Variants in GOLIM4 observed in about 807,000 individuals in gnomAD.
GOLIM4 encodes the protein golgi integral membrane protein 4, also known as 130 kDa golgi-localized phosphoprotein.
In GOLIM4, 71 loss-of-function variants were observed where a neutral mutation model predicts 107.4. The observed-to-expected ratio is 0.66, with a 90% CI of 0.55 to 0.81. The LOEUF (loss-of-function observed/expected upper bound fraction) is 0.81, where lower values mean the gene tolerates loss of function less well. Among genes scored for constraint, GOLIM4 ranks in the 30% least tolerant of loss-of-function variants. GOLIM4 has a pLI of 0.00. For missense variants in GOLIM4, 830 were observed against 826.1 expected, an observed-to-expected ratio of 1.00 and a Z score of -0.06; for synonymous variants, 327 against 294.8, an observed-to-expected ratio of 1.11 and a Z score of -1.12.
intron 9 of GOLIM4, 145 bp from the exon 10 acceptor site, chr3:168,030,181 C>G: frequency 1.3e-6 from 1 of 781,020 alleles, no homozygotes; most frequent in Non-Finnish European, 2.0e-6. Flanking sequence ...ACATGAAGTC[C>G]AAAAACTCCT....
chr3:168,082,403 T>C (rs1721418795), intron 1 of GOLIM4, among the ~76,000 whole-genome samples: 1 of 152,142 alleles, frequency 6.6e-6, no homozygotes, highest in African/African-American at 2.4e-5. Context: ...TGTGAGACCC[T>C]TAGATGAAGA....
chr3:168,085,691 C>A (rs1337404811), intron 1 of GOLIM4, among the ~76,000 whole-genome samples: 1 of 152,252 alleles, frequency 6.6e-6, no homozygotes, highest in African/African-American at 2.4e-5. Flanking sequence ...CAGAGTGGAA[C>A]CAAGAAACCA....
Position 168,021,511 on chromosome 3 carries a change from C to T in GOLIM4, c.1860+3015G>A, listed in dbSNP as rs905025582. Among the ~76,000 whole-genome samples the T allele has an allele frequency of 9.9e-5, 15 of 151,936 alleles. No homozygotes were observed. In the South Asian group the frequency reaches 2.5e-3, roughly 25 times the overall value. ...TGAAATCCCATCTCTACTAAAAATA[C>T]AAAAATTAGCCGGGTATGGTGGCAG... On this transcript the variant is annotated intron_variant, in intron 14 of 15. Coordinates refer to ENST00000470487, the MANE Select transcript of GOLIM4 (RefSeq NM_014498.5).
chr3:168,065,092 C>G (rs193061593), intron 1 of GOLIM4, among the ~76,000 whole-genome samples: 1 of 152,296 alleles, frequency 6.6e-6, no homozygotes, highest in African/African-American at 2.4e-5. Context: ...CTGCCTGACA[C>G]TAACAAATTC....
In GOLIM4 at chr3:168,047,001, T is replaced by C. The variant is rs1213734095; in HGVS notation, c.263-2A>G. Reference sequence around the variant, plus strand: ...CTTCTAACTTATAAACAAGAAAATCTAGAAAATACAAGATGGAAAAAAACA... The same window carrying C: ...CTTCTAACTTATAAACAAGAAAATCCAGAAAATACAAGATGGAAAAAAACA... On this transcript the variant is annotated splice_acceptor_variant, in intron 2 of 15. Transcript: ENST00000470487. LOFTEE classifies it high-confidence loss of function. 8 of 1,247,506 alleles carry C rather than the reference T, an allele frequency of 6.4e-6. No homozygotes were observed. In the African/African-American group the frequency reaches 7.9e-5, roughly 12 times the overall value. 77.3% of individuals were successfully genotyped at this position (1,247,506 alleles called of 1,614,324 possible).
At chr3:168,077,116 A>G (rs1721117236) in intron 1 of GOLIM4, among the ~76,000 whole-genome samples, 1 of 152,236 alleles carries the variant, frequency 6.6e-6, no homozygotes, top group Admixed American at 6.5e-5. Flanking sequence ...GATTCTTCAA[A>G]TAAGGAAGTT....
intron 9 of GOLIM4, among the ~76,000 whole-genome samples, chr3:168,032,204 A>T (rs1436430876): frequency 6.6e-6 from 1 of 152,122 alleles, no homozygotes; most frequent in Non-Finnish European, 1.5e-5. Flanking sequence ...ACAAGCTGGG[A>T]AGGTGCCCCA....
intron 1 of GOLIM4, among the ~76,000 whole-genome samples, chr3:168,090,130 G>T (rs1284294313): frequency 6.6e-6 from 1 of 152,116 alleles, no homozygotes; most frequent in Non-Finnish European, 1.5e-5. Context: ...CCAATGACAA[G>T]ATGTATTCAT....
In GOLIM4 at chr3:168,040,145, A is replaced by G. The variant is rs13317016; in HGVS notation, c.684+641T>C. ...TTCCTTCCTTCTGCTAGAAATCTGC[A>G]TAACACTTAGCATGAAATCGCTTTA... On this transcript the variant is annotated intron_variant, in intron 7 of 15. Transcript: ENST00000470487. Among the ~76,000 whole-genome samples, 559 of 152,304 alleles carry G rather than the reference A, an allele frequency of 3.7e-3. 4 individuals are homozygous for G. The highest frequency in any genetic ancestry group is 0.012 in the African/African-American group (510 of 41,564).
intron 8 of GOLIM4, among the ~76,000 whole-genome samples, chr3:168,033,685 C>T (rs1718479055): frequency 6.9e-6 from 1 of 144,916 alleles, no homozygotes; most frequent in Admixed American, 6.9e-5. Flanking sequence ...CAACACAGTG[C>T]CTGTTAAACA....
At chr3:168,019,181 T>C (rs2108214226) in intron 14 of GOLIM4, among the ~76,000 whole-genome samples, 1 of 152,320 alleles carries the variant, frequency 6.6e-6, no homozygotes. Context: ...ATAAGGTCAA[T>C]TGTTTTTGTT....
rs538087119 is a variant in GOLIM4, at chr3:168,084,018, T to C, written c.187+11081A>G. ...CAATCTCTTGGATCTCTTGCTGATA[T>C]GGTTTGGCTCTGAGTTGTAATTCCC... On this transcript the variant is annotated intron_variant, in intron 1 of 15. Coordinates refer to ENST00000470487, the MANE Select transcript of GOLIM4 (RefSeq NM_014498.5). Among the ~76,000 whole-genome samples, 49 of 152,288 alleles carry C rather than the reference T, an allele frequency of 3.2e-4. 1 individual carries two copies. Among genetic ancestry groups the C allele is most frequent in the African/African-American group, 1.1e-3 (46 of 41,568 alleles).
intron 14 of GOLIM4, among the ~76,000 whole-genome samples, chr3:168,021,819 T>G (rs949039061): frequency 1.3e-5 from 2 of 152,196 alleles, no homozygotes; most frequent in African/African-American, 4.8e-5. Flanking sequence ...GATTAATCAG[T>G]TTTCAGTTAC....
chr3:168,044,903 G>T, intron 3 of GOLIM4, 22 bp from the exon 4 acceptor site: 1 of 1,127,190 alleles, frequency 8.9e-7, no homozygotes, highest in Non-Finnish European at 1.3e-6. Context: ...AAAAAAAAAA[G>T]AAAACACAAA....
At chr3:168,047,106 T>C in intron 2 of GOLIM4, 107 bp from the exon 3 acceptor site, 1 of 566,814 alleles carries the variant, frequency 1.8e-6, no homozygotes, top group Non-Finnish European at 3.1e-6. Flanking sequence ...GTGTTTTAGG[T>C]TTAAAACAAT....
chr3:168,023,535 C>T (rs1452134549), intron 14 of GOLIM4, among the ~76,000 whole-genome samples: 1 of 152,150 alleles, frequency 6.6e-6, no homozygotes, highest in Non-Finnish European at 1.5e-5. Context: ...TGTGTGAGAG[C>T]ACAGCTCATG....
chr3:168,024,427 T>C lies in GOLIM4; in HGVS notation c.1860+99A>G, dbSNP rs898087555. ...CTGCTTAAATTTTTCTGAACATTTC[T>C]GTGGAAGGCATGTCAAAGTCAATAC... On this transcript the variant is annotated intron_variant, in intron 14 of 15. Transcript: ENST00000470487. The C allele has an allele frequency of 4.4e-6, 4 of 918,094 alleles. No individual in the cohort carries two copies. The African/African-American group carries it at 6.5e-5, about 15-fold the overall frequency. 56.9% of individuals were successfully genotyped at this position (918,094 alleles called of 1,614,324 possible).
At chr3:168,077,769 T>C (rs1214022508) in intron 1 of GOLIM4, among the ~76,000 whole-genome samples, 1 of 152,196 alleles carries the variant, frequency 6.6e-6, no homozygotes, top group Non-Finnish European at 1.5e-5. Flanking sequence ...TGAGAATTTT[T>C]TTAATAAAGA....
intron 9 of GOLIM4, among the ~76,000 whole-genome samples, chr3:168,030,604 G>A (rs1718274521): frequency 6.6e-6 from 1 of 151,122 alleles, no homozygotes; most frequent in Non-Finnish European, 1.5e-5. Flanking sequence ...CTGAGAAGAT[G>A]GTGCCTTCTG....
Sources: gnomAD v4.1 joint callset for allele counts (sites outside exome capture counted in the v4.1 genomes callset) on GRCh38, gnomAD v4.1.1 for gene constraint, MANE v1.5 for transcripts, NCBI Gene and HGNC (gene_info 2026-07-23, HGNC 2026-07-21) for gene names.